LRFN5: variants seen among roughly 807,000 people sequenced by gnomAD.
LRFN5 encodes the protein leucine rich repeat and fibronectin type III domain containing 5, also known as leucine-rich repeat and fibronectin type-III domain-containing protein 5.
A neutral mutation model predicts 45.6 loss-of-function variants in LRFN5; 24 were observed. The observed-to-expected ratio is 0.53, with a 90% confidence interval of 0.38 to 0.74. The LOEUF (loss-of-function observed/expected upper bound fraction) is 0.74. LRFN5 is among the 30% of genes least tolerant of loss of function. The pLI is 0.00. For missense variants in LRFN5, 776 were observed against 861.5 expected (o/e 0.90, Z 1.24); for synonymous variants, 340 against 313.8 (o/e 1.08, Z -0.88).
intron 2 of LRFN5, among the ~76,000 whole-genome samples, chr14:41,871,324 A>G (rs1411441575): frequency 1.3e-5 from 2 of 152,202 alleles, no homozygotes; most frequent in Admixed American, 6.6e-5. Flanking sequence ...ACAGTGGCTC[A>G]TGCCTATAAG....
intron 2 of LRFN5, among the ~76,000 whole-genome samples, chr14:41,809,077 T>C (rs375871746): frequency 3.9e-5 from 6 of 152,220 alleles, no homozygotes; most frequent in African/African-American, 1.4e-4. Flanking sequence ...CTGTTCTTCC[T>C]TTGTAGTACA....
Position 41,860,235 on chromosome 14 carries a change from C to A in LRFN5, c.-20-26371C>A, listed in dbSNP as rs542825049. Among the ~76,000 whole-genome samples, 28 of 152,272 alleles carry A rather than the reference C, an allele frequency of 1.8e-4. No individual in the cohort carries two copies. The South Asian group carries it at 5.8e-3, about 32-fold the overall frequency. ...GGTACTCAGCATACAAAATAAAAAT[C>A]TTTTCATACTTTATGCACACAGCAA... On this transcript the variant is annotated intron_variant, in intron 2 of 5. Coordinates refer to ENST00000298119, the MANE Select transcript of LRFN5 (RefSeq NM_152447.5).
intron 1 of LRFN5, among the ~76,000 whole-genome samples, chr14:41,645,497 T>C (rs1879774693): frequency 7.4e-6 from 1 of 135,988 alleles, no homozygotes; most frequent in Non-Finnish European, 1.6e-5. Flanking sequence ...TTTGAGAGTT[T>C]GTTAAAAAGT....
At chr14:41,891,031 G>T (rs546010911) in intron 3 of LRFN5, among the ~76,000 whole-genome samples, 1 of 152,218 alleles carries the variant, frequency 6.6e-6, no homozygotes, top group African/African-American at 2.4e-5. Context: ...GTAAGCTTGT[G>T]AAGGCTTGGG....
intron 1 of LRFN5, among the ~76,000 whole-genome samples, chr14:41,639,622 T>C (rs1879468871): frequency 6.6e-6 from 1 of 152,128 alleles, no homozygotes; most frequent in South Asian, 2.1e-4. Context: ...AAAATCAAAA[T>C]TGAAAAATGT....
intron 1 of LRFN5, among the ~76,000 whole-genome samples, chr14:41,610,753 G>T (rs923249787): frequency 2.2e-5 from 3 of 138,132 alleles, no homozygotes; most frequent in Non-Finnish European, 4.8e-5. Context: ...TTTAAAAAAG[G>T]ATTTTTTTCT....
In LRFN5 at chr14:41,779,519, C is replaced by T. The variant is rs190180048; in HGVS notation, c.-21+12490C>T. Among the ~76,000 whole-genome samples the T allele has an allele frequency of 1.2e-3, 183 of 152,028 alleles. 2 individuals carry two copies. Among genetic ancestry groups the T allele is most frequent in the Non-Finnish European group, 1.2e-3 (81 of 67,810 alleles). On this transcript the variant is annotated intron_variant, in intron 2 of 5. Transcript: ENST00000298119. ...GAGTTAAGAAGCATACACTTGGCTTCTGTTTCTGTTAGAATTTGTAGAGAA... is the reference window on the plus strand; with the variant it reads ...GAGTTAAGAAGCATACACTTGGCTTTTGTTTCTGTTAGAATTTGTAGAGAA...
chr14:41,735,802 G>A (rs942270958), intron 1 of LRFN5, among the ~76,000 whole-genome samples: 3 of 151,800 alleles, frequency 2.0e-5, no homozygotes, highest in African/African-American at 7.3e-5. Context: ...TCCCCTCCCT[G>A]TGTCCATGTG....
At chr14:41,700,498 T>C (rs1260084880) in intron 1 of LRFN5, 2 of 152,088 alleles carry the variant, frequency 1.3e-5, no homozygotes, top group Non-Finnish European at 2.9e-5. Flanking sequence ...AGAGAAGCTT[T>C]TCCTTTTTTA....
intron 2 of LRFN5, among the ~76,000 whole-genome samples, chr14:41,861,741 T>C (rs1437271664): frequency 2.0e-5 from 3 of 152,206 alleles, no homozygotes; most frequent in African/African-American, 7.2e-5. Flanking sequence ...TAGATTGTAA[T>C]ATGCAGAATG....
At position 41,753,037 on chromosome 14, in the gene LRFN5, T is replaced by G. The variant is rs1259601445; in HGVS notation, c.-196-13817T>G. Reference sequence around the variant, plus strand: ...TTAAATAGGGAAACCTTCCCCCATTTCTTGTTTTTGTCAGATTTGTCAAAG... The same window carrying G: ...TTAAATAGGGAAACCTTCCCCCATTGCTTGTTTTTGTCAGATTTGTCAAAG... On this transcript the variant is annotated intron_variant, in intron 1 of 5. Coordinates refer to ENST00000298119, the MANE Select transcript of LRFN5 (RefSeq NM_152447.5). 2.0e-5 allele frequency among the ~76,000 whole-genome samples: 3 copies of G among 152,188 alleles called. No individual in the cohort carries two copies. In the East Asian group the frequency reaches 5.8e-4, roughly 29 times the overall value.
intron 2 of LRFN5, among the ~76,000 whole-genome samples, chr14:41,774,173 A>G (rs1886194377): frequency 6.6e-6 from 1 of 152,210 alleles, no homozygotes; most frequent in Non-Finnish European, 1.5e-5. Flanking sequence ...AACAATCTTA[A>G]TTGCAAAGCA....
intron 2 of LRFN5, among the ~76,000 whole-genome samples, chr14:41,846,971 CT>C (rs764466369): frequency 6.6e-6 from 1 of 152,100 alleles, no homozygotes; most frequent in Non-Finnish European, 1.5e-5. Context: ...CATCTTCAAG[CT>C]TCTTTTTGCT....
At chr14:41,836,108 T>G (rs1413959280) in intron 2 of LRFN5, among the ~76,000 whole-genome samples, 1 of 152,158 alleles carries the variant, frequency 6.6e-6, no homozygotes, top group East Asian at 1.9e-4. Context: ...TACAAATAAA[T>G]GCTGCTTACT....
intron 1 of LRFN5, among the ~76,000 whole-genome samples, chr14:41,671,940 CA>C (rs1317256363): frequency 1.3e-5 from 2 of 152,052 alleles, no homozygotes; most frequent in Non-Finnish European, 2.9e-5. Flanking sequence ...ATTTCATAGC[CA>C]AATCTTGATT....
chr14:41,778,198 G>T (rs1362994284), intron 2 of LRFN5, among the ~76,000 whole-genome samples: 3 of 151,502 alleles, frequency 2.0e-5, no homozygotes, highest in Non-Finnish European at 4.4e-5. Context: ...TTCCCAGTCT[G>T]AATCTAGAAG....
chr14:41,632,034 C>G (rs1477893857), intron 1 of LRFN5, among the ~76,000 whole-genome samples: 2 of 151,944 alleles, frequency 1.3e-5, no homozygotes, highest in Non-Finnish European at 2.9e-5. Flanking sequence ...CAAGGGAGGA[C>G]TAAAGTCTAT....
At chr14:41,741,638 A>G (rs983948443) in intron 1 of LRFN5, among the ~76,000 whole-genome samples, 9 of 151,726 alleles carry the variant, frequency 5.9e-5, no homozygotes, top group African/African-American at 1.9e-4. Context: ...GGTCTGGGCA[A>G]GGATTTCTGG....
intron 1 of LRFN5, among the ~76,000 whole-genome samples, chr14:41,753,925 T>G (rs909228150): frequency 3.3e-5 from 5 of 152,170 alleles, no homozygotes; most frequent in African/African-American, 9.7e-5. Flanking sequence ...CTTATTATTT[T>G]GAGATACGTC....
Sources: allele counts gnomAD v4.1 joint callset (sites outside exome capture counted in the v4.1 genomes callset), GRCh38; gene constraint gnomAD v4.1.1; transcripts MANE v1.5; gene names NCBI Gene and HGNC (gene_info 2026-07-23, HGNC 2026-07-21).